C12orf43: variants seen among roughly 807,000 people sequenced by gnomAD.
C12orf43 encodes chromosome 12 open reading frame 43, also known as protein CUSTOS.
In C12orf43, 15 loss-of-function variants were observed where a neutral mutation model predicts 20.6. That is an observed-to-expected ratio of 0.73 (90% CI 0.49 to 1.12). The LOEUF (loss-of-function observed/expected upper bound fraction) is 1.12, where lower values mean the gene tolerates loss of function less well. C12orf43 is among the 50% of genes most tolerant of loss of function. C12orf43 has a pLI of 0.00. For missense variants in C12orf43, 334 were observed against 344.4 expected (o/e 0.97, Z 0.24); for synonymous variants, 144 against 130.8 (o/e 1.10, Z -0.69).
chr12:121,012,253 G>T (rs1868440755), intron 1 of C12orf43, among the ~76,000 whole-genome samples: 4 of 152,184 alleles, frequency 2.6e-5, no homozygotes, highest in African/African-American at 9.6e-5. Flanking sequence ...TGCTTTGTGT[G>T]TTTAGAACCA....
Position 121,004,206 on chromosome 12 carries a change from C to T in C12orf43, c.736G>A (p.Glu246Lys), listed in dbSNP as rs778046345. ...KKKKKAKKAS[E>K]TSPFPPAKSA... ...TTTGCTGGTGGGAATGGAGAGGTCT[C>T]GCTGGCCTTCTTTGCCTTTTTCTTC... Residue 246 changes from glutamate to lysine, a missense_variant, in exon 6 of 6, where the codon GAG becomes AAG. Glu to Lys is a moderately conservative substitution (Grantham distance 56). Transcript: ENST00000288757. The surrounding 1 kb of genome is among the most constrained non-coding windows in gnomAD (Gnocchi z 5.6). The T allele has an allele frequency of 9.9e-6, 16 of 1,614,034 alleles. No individual in the cohort carries two copies. The highest frequency in any genetic ancestry group is 1.3e-5 in the African/African-American group (1 of 74,910).
At chr12:121,006,234 A>AG (rs1878007907) in intron 4 of C12orf43, 87 bp downstream of exon 4, 1 of 1,197,210 alleles carries the variant, frequency 8.4e-7, no homozygotes, top group Non-Finnish European at 1.2e-6. Context: ...AAAAAAAAAA[A>AG]AGAATATACC....
chr12:121,001,501 C>T lies in C12orf43; in HGVS notation c.*2652G>A, dbSNP rs891475426. The stretch of plus-strand genomic sequence containing the variant: ...TCTTCTTACTTGGAACTGAAGGGGG[C>T]GGCCTATGACTTGGGCACCCCCAGC... On this transcript the variant is annotated 3_prime_UTR_variant, in exon 6 of 6. Transcript: ENST00000288757. 8 of 461,844 alleles carry T rather than the reference C, an allele frequency of 1.7e-5. No homozygotes were observed. Among genetic ancestry groups the T allele is most frequent in the South Asian group, 1.0e-4 (5 of 47,832 alleles). 28.6% of individuals were successfully genotyped at this position (461,844 alleles called of 1,614,324 possible).
Position 121,002,602 on chromosome 12 carries a change from C to T in C12orf43, c.*1551G>A. The T allele has an allele frequency of 2.5e-6, 1 of 396,486 alleles. No individual in the cohort carries two copies. Among genetic ancestry groups the T allele is most frequent in the Middle Eastern group, 6.2e-4 (1 of 1,616 alleles). The allele number at this position is 396,486 out of a possible 1,614,324, so 24.6% of individuals were successfully genotyped here. ...CAGAGGCCTGCGAAGAGGAGACAGG[C>T]TCCAGCACCCACGCTCTCACACCCC... is the stretch of plus-strand genomic sequence containing the variant. On this transcript the variant is annotated 3_prime_UTR_variant, in exon 6 of 6. Coordinates refer to ENST00000288757, the MANE Select transcript of C12orf43 (RefSeq NM_022895.3).
chr12:121,009,868 T>C (rs1313039965), intron 3 of C12orf43, among the ~76,000 whole-genome samples: 3 of 152,216 alleles, frequency 2.0e-5, no homozygotes, highest in African/African-American at 4.8e-5. Context: ...GAATGTAAGA[T>C]AGAGACCTGG....
intron 3 of C12orf43, among the ~76,000 whole-genome samples, chr12:121,010,186 C>A (rs1325996562): frequency 6.6e-6 from 1 of 152,194 alleles, no homozygotes; most frequent in Non-Finnish European, 1.5e-5. Context: ...CCCGTTAAGT[C>A]CAGCTACTTG....
At chr12:121,006,515 G>A (rs757947451) in intron 3 of C12orf43, 121 bp from the exon 4 acceptor site, 5 of 916,868 alleles carry the variant, frequency 5.5e-6, no homozygotes, top group Non-Finnish European at 8.8e-6. Flanking sequence ...AAAGCGTGCT[G>A]GCCTAGTAAG....
chr12:121,014,527 G>T (rs1476893473), intron 1 of C12orf43, among the ~76,000 whole-genome samples: 2 of 151,778 alleles, frequency 1.3e-5, no homozygotes, highest in Non-Finnish European at 1.5e-5. Flanking sequence ...CTACTAGGGA[G>T]GCTGAGGCAG....
chr12:121,015,763 G>A (rs1054177301), intron 1 of C12orf43, among the ~76,000 whole-genome samples: 1 of 152,194 alleles, frequency 6.6e-6, no homozygotes, highest in African/African-American at 2.4e-5. Flanking sequence ...GAACTACTGT[G>A]GCTTAGTGCT....
chr12:121,012,516 G>C (rs1442426403), intron 1 of C12orf43: 1 of 702,124 alleles, frequency 1.4e-6, no homozygotes. Flanking sequence ...TGCAGTAATT[G>C]ATGTGGTGAG....
chr12:121,003,833 A>C lies in C12orf43; in HGVS notation c.*320T>G, dbSNP rs1877727306. 2.5e-6 allele frequency: 1 copy of C among 399,894 alleles called. No individual in the cohort carries two copies. Among genetic ancestry groups the C allele is most frequent in the Non-Finnish European group, 4.6e-6 (1 of 215,752 alleles). The allele number at this position is 399,894 out of a possible 1,614,324, so 24.8% of individuals were successfully genotyped here. A position where few individuals can be genotyped will look rare whatever the true frequency, so the allele number is the denominator to read the frequency against. On this transcript the variant is annotated 3_prime_UTR_variant, in exon 6 of 6. Transcript: ENST00000288757. ...GTTCTAGGGAGATGGAGGTTTCACC[A>C]CTTGGCCACTAGTCTCAAATAACTG... is the stretch of plus-strand genomic sequence containing the variant.
chr12:121,008,544 A>G (rs562435498), intron 3 of C12orf43, among the ~76,000 whole-genome samples: 1 of 152,366 alleles, frequency 6.6e-6, no homozygotes, highest in African/African-American at 2.4e-5. Flanking sequence ...ACTCAGTGCA[A>G]TGCCAAGCAG....
chr12:121,009,629 A>C (rs1400104946), intron 3 of C12orf43, among the ~76,000 whole-genome samples: 1 of 152,224 alleles, frequency 6.6e-6, no homozygotes, highest in Non-Finnish European at 1.5e-5. Flanking sequence ...GGAAGGCGCC[A>C]TCTGTACTGG....
rs1209725591 is a variant in C12orf43 at position 121,012,392 on chromosome 12, G to A, written c.146-1246C>T. The A allele has an allele frequency of 8.5e-6, 6 of 702,356 alleles. No individual in the cohort carries two copies. In the Admixed American group the frequency reaches 1.0e-4, roughly 12 times the overall value. The allele number at this position is 702,356 out of a possible 1,614,324, so 43.5% of individuals were successfully genotyped here. On this transcript the variant is annotated intron_variant, in intron 1 of 5. Coordinates refer to ENST00000288757, the MANE Select transcript of C12orf43 (RefSeq NM_022895.3). The stretch of plus-strand genomic sequence containing the variant: ...GGAGGACCTGGACTTTGAGGAGGAG[G>A]AGCTCTGGAAATGAGCAGAGAAGGG...
chr12:121,000,874 C>A lies in C12orf43; in HGVS notation c.*3279G>T. 1 of 701,908 alleles carries A rather than the reference C, an allele frequency of 1.4e-6. No homozygotes were observed. The highest frequency in any genetic ancestry group is 2.4e-6 in the Non-Finnish European group (1 of 409,432). The allele number at this position is 701,908 out of a possible 1,614,324, so 43.5% of individuals were successfully genotyped here. A position where few individuals can be genotyped will look rare whatever the true frequency, so the allele number is the denominator to read the frequency against. ...AGATGTACTCAGGCCACTCCATGGG[C>A]GGCCGTGGACCCTGGCTGGGAGGCT... is the stretch of plus-strand genomic sequence containing the variant. On this transcript the variant is annotated 3_prime_UTR_variant, in exon 6 of 6. Coordinates refer to ENST00000288757, the MANE Select transcript of C12orf43 (RefSeq NM_022895.3).
Position 121,000,745 on chromosome 12 carries a change from A to T in C12orf43, c.*3408T>A, listed in dbSNP as rs1592899989. The T allele has an allele frequency of 4.8e-6, 2 of 416,126 alleles. No individual in the cohort carries two copies. Among genetic ancestry groups the T allele is most frequent in the South Asian group, 2.2e-5 (1 of 46,308 alleles). 25.8% of individuals were successfully genotyped at this position (416,126 alleles called of 1,614,324 possible). ...TTAACCACATCTACAAAGCACCTGCATTCACAGCAGCGCCTAGATTAGTGT... is the reference window on the plus strand; with the variant it reads ...TTAACCACATCTACAAAGCACCTGCTTTCACAGCAGCGCCTAGATTAGTGT... On this transcript the variant is annotated 3_prime_UTR_variant, in exon 6 of 6. Coordinates refer to ENST00000288757, the MANE Select transcript of C12orf43 (RefSeq NM_022895.3).
chr12:121,008,440 T>C (rs995870017), intron 3 of C12orf43, among the ~76,000 whole-genome samples: 1 of 152,188 alleles, frequency 6.6e-6, no homozygotes, highest in Non-Finnish European at 1.5e-5. Flanking sequence ...TGGCCTAAGG[T>C]ATCATTTAGA....
At chr12:121,006,495 T>A (rs1878038225) in intron 3 of C12orf43, 101 bp from the exon 4 acceptor site, 1 of 1,173,344 alleles carries the variant, frequency 8.5e-7, no homozygotes, top group Non-Finnish European at 1.3e-6. Context: ...TGATTGTAAA[T>A]GCAAAAGCGA....
In C12orf43 at chr12:121,014,630, C is replaced by CAA. The variant is rs35811695; in HGVS notation, c.145+1698_145+1699dup. Among the ~76,000 whole-genome samples, 314 of 99,124 alleles carry CAA rather than the reference C, an allele frequency of 3.2e-3. 5 individuals are homozygous for CAA. The highest frequency in any genetic ancestry group is 0.021 in the East Asian group (78 of 3,688). 65.0% of individuals were successfully genotyped at this position (99,124 alleles called of 152,430 possible). ...GGGCAACAAGAGTGAAACTCCATCT[C>CAA]AAAAAAAAAAAATGCAAAAAAAAAA... On this transcript the variant is annotated intron_variant, in intron 1 of 5. Coordinates refer to ENST00000288757, the MANE Select transcript of C12orf43 (RefSeq NM_022895.3).
Sources: gnomAD v4.1 joint callset for allele counts (sites outside exome capture counted in the v4.1 genomes callset) on GRCh38, gnomAD v4.1.1 for gene constraint, Gnocchi (gnomAD v3.1) non-coding constraint, MANE v1.5 for transcripts, NCBI Gene and HGNC (gene_info 2026-07-23, HGNC 2026-07-21) for gene names.